The following LINGO1 variants were observed in gnomAD, a reference collection of about 807,000 sequenced individuals.
LINGO1 encodes leucine-rich repeat and immunoglobulin-like domain-containing nogo receptor-interacting protein 1.
A neutral mutation model predicts 37.3 loss-of-function variants in LINGO1; 11 were observed. The ratio of observed to expected loss-of-function variants is 0.29; its 90% confidence interval spans 0.19 to 0.49. LINGO1 has a LOEUF of 0.49. LINGO1 is among the 20% of genes least tolerant of loss of function. The probability of loss-of-function intolerance (pLI) is 0.99; values close to 1 mark genes in which losing one functional copy is unlikely to be tolerated. For synonymous variants in LINGO1, 387 were observed against 403.0 expected (o/e 0.96, Z 0.48); for missense variants, 585 against 878.2 (o/e 0.67, Z 4.22).
chr15:77,641,857 T>C (rs1445953418), intron 3 of LINGO1: 1 of 456,420 alleles, frequency 2.2e-6, no homozygotes, highest in East Asian at 6.9e-5. Context: ...CCCAGCCTGA[T>C]AGGCTGAGGC....
chr15:77,653,076 G>T (rs1007993734), intron 3 of LINGO1, among the ~76,000 whole-genome samples: 5 of 152,244 alleles, frequency 3.3e-5, no homozygotes, highest in African/African-American at 9.6e-5. Context: ...TGGGGACACG[G>T]ACATAGGCCA....
chr15:77,783,721 A>G lies in LINGO1; in HGVS notation c.-257+3148T>C, dbSNP rs142790334. 1.8e-4 allele frequency among the ~76,000 whole-genome samples: 28 copies of G among 152,308 alleles called. No homozygotes were observed. In the East Asian group the frequency reaches 5.4e-3, roughly 29 times the overall value. Reference sequence around the variant, plus strand: ...GCTGCTAAAACGAATCCCATGTCTTATAGAGGAAGAAGCTGGAGAGATTGT... The same window carrying G: ...GCTGCTAAAACGAATCCCATGTCTTGTAGAGGAAGAAGCTGGAGAGATTGT... On this transcript the variant is annotated intron_variant, in intron 1 of 3. Coordinates refer to the LINGO1 transcript ENST00000561686.
intron 1 of LINGO1, among the ~76,000 whole-genome samples, chr15:77,810,845 G>T (rs2076999802): frequency 6.6e-6 from 1 of 152,186 alleles, no homozygotes; most frequent in South Asian, 2.1e-4. Context: ...CTGGCAGAGG[G>T]CACTCATTCT....
intron 1 of LINGO1, among the ~76,000 whole-genome samples, chr15:77,754,969 G>C (rs1187609258): frequency 1.3e-5 from 2 of 152,232 alleles, no homozygotes; most frequent in Non-Finnish European, 2.9e-5. Flanking sequence ...ATGCAGGTAA[G>C]ACACTTTTTG....
intron 1 of LINGO1, among the ~76,000 whole-genome samples, chr15:77,785,862 A>T (rs115408871): frequency 0.01 from 1,547 of 151,972 alleles, 25 homozygotes; most frequent in African/African-American, 0.036. Context: ...CTCTAACTTC[A>T]TGTTGCTATC....
At chr15:77,710,800 A>T (rs1596142143) in intron 2 of LINGO1, among the ~76,000 whole-genome samples, 1 of 152,380 alleles carries the variant, frequency 6.6e-6, no homozygotes, top group African/African-American at 2.4e-5. Context: ...AAGCTGGCCA[A>T]CCGTGCCGGG....
At chr15:77,726,913 C>T (rs755723024) in intron 2 of LINGO1, among the ~76,000 whole-genome samples, 2 of 152,094 alleles carry the variant, frequency 1.3e-5, no homozygotes, top group Non-Finnish European at 2.9e-5. Flanking sequence ...ATAATCCAAT[C>T]AAAAATTGGC....
chr15:77,691,731 G>A (rs534125478), intron 1 of LINGO1, among the ~76,000 whole-genome samples: 2 of 152,000 alleles, frequency 1.3e-5, no homozygotes, highest in Non-Finnish European at 2.9e-5. Flanking sequence ...CAGAGATGAC[G>A]GAGCAATTCA....
At chr15:77,802,910 AC>A (rs1380196577) in intron 1 of LINGO1, among the ~76,000 whole-genome samples, 1 of 151,896 alleles carries the variant, frequency 6.6e-6, no homozygotes, top group Non-Finnish European at 1.5e-5. Context: ...GGACCACCAG[AC>A]CCCCTGGGGC....
intron 1 of LINGO1, among the ~76,000 whole-genome samples, chr15:77,617,983 A>C (rs1403675658): frequency 6.6e-6 from 1 of 151,672 alleles, no homozygotes; most frequent in Non-Finnish European, 1.5e-5. Context: ...GCTTCTCCCC[A>C]CCCGACCCCC....
intron 3 of LINGO1, among the ~76,000 whole-genome samples, chr15:77,656,465 G>A (rs918739377): frequency 5.3e-5 from 8 of 152,164 alleles, no homozygotes; most frequent in African/African-American, 1.9e-4. Flanking sequence ...GCCAGTGTGC[G>A]GGTTCTCATG....
At chr15:77,620,375 A>G (rs1007537) in intron 1 of LINGO1, among the ~76,000 whole-genome samples, 98,506 of 152,088 alleles carry the variant, frequency 0.65, 32,904 homozygotes, top group African/African-American at 0.8. Flanking sequence ...AGTGGGGGAC[A>G]CTGAGCCATC....
chr15:77,758,866 C>T (rs1055627652), intron 1 of LINGO1, among the ~76,000 whole-genome samples: 2 of 150,552 alleles, frequency 1.3e-5, no homozygotes, highest in Non-Finnish European at 1.5e-5. Context: ...CGGTCAGAAG[C>T]GGGGGGAGGA....
chr15:77,633,097 C>T (rs973358487), upstream of LINGO1, among the ~76,000 whole-genome samples: 2 of 151,936 alleles, frequency 1.3e-5, no homozygotes, highest in Non-Finnish European at 2.9e-5. Context: ...CTGCCCTGCA[C>T]GCTTAGGGCA....
At chr15:77,707,233 A>C (rs2075863841) in intron 2 of LINGO1, among the ~76,000 whole-genome samples, 1 of 152,170 alleles carries the variant, frequency 6.6e-6, no homozygotes, top group Non-Finnish European at 1.5e-5. Flanking sequence ...GAGGAGGAGA[A>C]GTCCAAATGG....
At chr15:77,652,479 G>GGAGA (rs1208980018) in intron 3 of LINGO1, among the ~76,000 whole-genome samples, 35 of 80,682 alleles carry the variant, frequency 4.3e-4, no homozygotes, top group African/African-American at 1.4e-3. Flanking sequence ...AGCTGGGGAG[G>GGAGA]GAGAGTGTGT....
At chr15:77,719,154 A>G (rs2076019443) in intron 2 of LINGO1, among the ~76,000 whole-genome samples, 1 of 149,214 alleles carries the variant, frequency 6.7e-6, no homozygotes, top group Non-Finnish European at 1.5e-5. Flanking sequence ...TCCCAGGGGC[A>G]CCTCCTGGGA....
At chr15:77,792,420 G>A (rs1322100605) in intron 2 of LINGO1, among the ~76,000 whole-genome samples, 1 of 152,250 alleles carries the variant, frequency 6.6e-6, no homozygotes, top group South Asian at 2.1e-4. Context: ...TGTAACTCCT[G>A]GCCCTGCATG....
At chr15:77,781,341 C>T (rs2076715034) in intron 1 of LINGO1, among the ~76,000 whole-genome samples, 1 of 152,224 alleles carries the variant, frequency 6.6e-6, no homozygotes, top group South Asian at 2.1e-4. Context: ...CACCCAGCTC[C>T]CACGCCGAAG....
Sources: allele counts gnomAD v4.1 joint callset (sites outside exome capture counted in the v4.1 genomes callset), GRCh38; gene constraint gnomAD v4.1.1; transcripts MANE v1.5; gene names NCBI Gene and HGNC (gene_info 2026-07-23, HGNC 2026-07-21).